The following NEB variants were observed in gnomAD, a reference collection of about 807,000 sequenced individuals.
NEB encodes nemaline myopathy type 2.
A neutral mutation model predicts 952.2 loss-of-function variants in NEB; 512 were observed. The ratio of observed to expected loss-of-function variants is 0.54; its 90% CI spans 0.50 to 0.58. NEB has a LOEUF of 0.58. NEB is among the 20% of genes least tolerant of loss of function. The pLI is 0.00. For missense variants in NEB, 8,428 were observed against 9,231.1 expected (o/e 0.91, Z 3.56); for synonymous variants, 2,900 against 3,149.8 (o/e 0.92, Z 2.66).
At chr2:151,574,114 A>G (rs1490265906) in intron 107 of NEB, among the ~76,000 whole-genome samples, 1 of 152,170 alleles carries the variant, frequency 6.6e-6, no homozygotes, top group Non-Finnish European at 1.5e-5. Flanking sequence ...AGCTGGGACT[A>G]CAGGCACCCA....
intron 92 of NEB, among the ~76,000 whole-genome samples, chr2:151,595,487 G>C (rs1330513583): frequency 6.8e-6 from 1 of 146,650 alleles, no homozygotes; most frequent in East Asian, 2.0e-4. Context: ...TGGCCAGGCT[G>C]GTCTCGAACT....
In NEB at chr2:151,565,090, G is replaced by A. The variant is rs377179553; in HGVS notation, c.18425C>T (p.Thr6142Ile). ...AKGKYTFSPDTPHISHSKDMG... is the reference protein window; with the variant it reads ...AKGKYTFSPDIPHISHSKDMG... ...GTCTTTGGAGTGGGAGATATGTGGT[G>A]TATCTGGTGAAAACGTATATTTGCC... The change falls in exon 117 of 182, where the codon ACA becomes ATA. Residue 6142 changes from threonine to isoleucine, a missense_variant. Thr to Ile is a moderately conservative substitution (Grantham distance 89). Around this residue, in one of 11 missense-constraint regions of NEB, gnomAD observed 3,374 missense variants for 3,651.5 expected, o/e 0.92. Coordinates refer to ENST00000397345, the MANE Select transcript of NEB (RefSeq NM_001164508.2). The A allele has an allele frequency of 2.5e-6, 4 of 1,601,492 alleles. No homozygotes were observed. The highest frequency in any genetic ancestry group is 3.3e-5 in the Admixed American group (2 of 59,712).
intron 165 of NEB, among the ~76,000 whole-genome samples, chr2:151,503,910 T>C (rs898577211): frequency 6.6e-6 from 1 of 152,178 alleles, no homozygotes; most frequent in Non-Finnish European, 1.5e-5. Context: ...TGGCTCCTAA[T>C]CTGTAGGAGC....
chr2:151,671,403 G>A (rs748461742), intron 37 of NEB, 174 bp from the exon 38 acceptor site: 1 of 608,852 alleles, frequency 1.6e-6, no homozygotes, highest in Non-Finnish European at 2.9e-6. Flanking sequence ...CTGTTCTGTT[G>A]TTAGAGTGCA....
chr2:151,616,791 A>G (rs2098215211), intron 75 of NEB, among the ~76,000 whole-genome samples: 1 of 152,186 alleles, frequency 6.6e-6, no homozygotes, highest in Non-Finnish European at 1.5e-5. Flanking sequence ...AACAAGGACA[A>G]TATTTTAAAA....
chr2:151,644,549 C>T lies in NEB; in HGVS notation c.7563G>A (p.Glu2521=). The T allele has an allele frequency of 6.2e-7, 1 of 1,613,822 alleles. No homozygotes were observed. The highest frequency in any genetic ancestry group is 1.1e-5 in the South Asian group (1 of 91,078). The change falls in exon 56 of 182, where the codon GAG becomes GAA. Residue 2521 remains glutamate (E), a synonymous_variant. Transcript: ENST00000397345. Reference sequence around the variant, plus strand: ...GAAGATCGTAACCTTTTCTCTTCAGCTCCTCATAACCCATTCGGTAGAGTT... The same window carrying T: ...GAAGATCGTAACCTTTTCTCTTCAGTTCCTCATAACCCATTCGGTAGAGTT... ...SDKLYRMGYE[E]LKRKGYDLPV...
rs372593815 is a variant in NEB at position 151,678,026 on chromosome 2, C to T, written c.3417G>A (p.Thr1139=). 42 of 1,613,764 alleles carry T rather than the reference C, an allele frequency of 2.6e-5. No homozygotes were observed. The East Asian group carries it at 6.9e-4, about 27-fold the overall frequency. The change falls in exon 33 of 182, where the codon ACG becomes ACA. Residue 1139 remains threonine, a synonymous_variant. Transcript: ENST00000397345. ...DYEKTKSKYN[T]PHDMFNVVAA... ...CCACGACATTGAACATATCATGGGG[C>T]GTGTTGTATTTGGACTTTGTCTTCT... is the stretch of plus-strand genomic sequence containing the variant.
chr2:151,505,630 C>A, intron 164 of NEB, 60 bp from the exon 165 acceptor site: 1 of 1,350,626 alleles, frequency 7.4e-7, no homozygotes, highest in South Asian at 1.2e-5. Flanking sequence ...TTATTCTTCC[C>A]AACATGTACA....
chr2:151,537,978 T>A lies in NEB; in HGVS notation c.20998-2A>T. On this transcript the variant is annotated splice_acceptor_variant, in intron 139 of 181. Transcript: ENST00000397345. LOFTEE classifies it high-confidence loss of function. ...CATGTAGTTCTCCTTGTATTTTATC[T>A]GTTATAAAAAACACAAAGACAGCTG... 1 of 1,608,660 alleles carries A rather than the reference T, an allele frequency of 6.2e-7. No individual in the cohort carries two copies. Among genetic ancestry groups the A allele is most frequent in the Non-Finnish European group, 8.5e-7 (1 of 1,175,486 alleles).
chr2:151,485,967 A>G lies in NEB; in HGVS notation c.25405-34T>C, dbSNP rs16830090. ...GGGGATGGAAAAGGGGAAATATTAT[A>G]TGTTGGATTTGCAACAGTTAACACA... On this transcript the variant is annotated intron_variant, in intron 181 of 181. Transcript: ENST00000397345. 0.28 allele frequency: 456,056 copies of G among 1,604,622 alleles called. 67,280 individuals carry two copies. Among genetic ancestry groups the G allele is most frequent in the Admixed American group, 0.39 (23,407 of 59,800 alleles).
Position 151,692,265 on chromosome 2 carries a change from C to T in NEB, c.1994G>A (p.Ser665Asn), listed in dbSNP as rs760782398. Reference protein sequence around the residue: ...YQLDTQLKNFSEARYKDLYVK... With the variant: ...YQLDTQLKNFNEARYKDLYVK... ...GGTAACCGTGGCTTTTCGAACCTCA[C>T]TGAAGTTCTTCAGCTGAGTATCAAG... The change falls in exon 21 of 182, where the codon AGT becomes AAT. Residue 665 changes from serine to asparagine, a missense_variant. By Grantham distance (46) the Ser-to-Asn change is conservative (BLOSUM62 1). This residue lies in a region of NEB where 2,851 missense variants were observed against 2,791.5 expected (regional missense o/e 1.02). Transcript: ENST00000397345. The T allele has an allele frequency of 6.2e-7, 1 of 1,613,520 alleles. No individual in the cohort carries two copies. Among genetic ancestry groups the T allele is most frequent in the African/African-American group, 1.3e-5 (1 of 74,920 alleles).
intron 51 of NEB, 102 bp downstream of exon 51, chr2:151,655,168 C>A: frequency 1.4e-6 from 1 of 702,770 alleles, no homozygotes; most frequent in Non-Finnish European, 2.2e-6. Flanking sequence ...CATTTCCAAA[C>A]TTCCATTGCT....
chr2:151,525,183 C>T lies in NEB; in HGVS notation c.22252G>A (p.Val7418Met), dbSNP rs375843338. 6 of 1,613,872 alleles carry T rather than the reference C, an allele frequency of 3.7e-6. No individual in the cohort carries two copies. Among genetic ancestry groups the T allele is most frequent in the East Asian group, 4.5e-5 (2 of 44,888 alleles). Residue 7418 changes from valine to methionine, a missense_variant, in exon 151 of 182, where the codon GTG (valine) becomes ATG (methionine). Physicochemically the swap from Val to Met is conservative, Grantham distance 21. Coordinates refer to ENST00000397345, the MANE Select transcript of NEB (RefSeq NM_001164508.2). Reference sequence around the variant, plus strand: ...CTTACATCACTTTGCTTCTTGGCCACTTCCATAGCATGTTTCACCTCTGGT... The same window carrying T: ...CTTACATCACTTTGCTTCTTGGCCATTTCCATAGCATGTTTCACCTCTGGT... ...EPPEVKHAMEVAKKQSDVAYR... is the reference protein window; with the variant it reads ...EPPEVKHAMEMAKKQSDVAYR...
In NEB at chr2:151,612,228, C is replaced by T. The variant is rs554366790; in HGVS notation, c.11763G>A (p.Pro3921=). The T allele has an allele frequency of 4.6e-5, 74 of 1,613,806 alleles. No individual in the cohort carries two copies. The highest frequency in any genetic ancestry group is 2.5e-4 in the East Asian group (11 of 44,858). Residue 3921 remains proline, a synonymous_variant, in exon 78 of 182, where the codon CCG becomes CCA. Coordinates refer to ENST00000397345, the MANE Select transcript of NEB (RefSeq NM_001164508.2). ...CATTATTCTTTGCTAGGACAATTTC[C>T]GGAGTGTCGGTAATGCATGTGAATT... The part of the protein sequence containing the change: ...QLKFTCITDT[P]EIVLAKNNAL...
At position 151,666,287 on chromosome 2, in the gene NEB, G is replaced by A. The variant is rs200545007; in HGVS notation, c.4834C>T (p.Arg1612Cys). The change falls in exon 41 of 182, where the codon CGT becomes TGT. Residue 1612 changes from arginine to cysteine, a missense_variant. This residue lies in a region of NEB where 2,851 missense variants were observed against 2,791.5 expected (regional missense o/e 1.02). Transcript: ENST00000397345. Reference sequence around the variant, plus strand: ...GCTTCATAGCCCTTTTTGTACTCACGATCAGACTGGATTTTGGCCACATTC... The same window carrying A: ...GCTTCATAGCCCTTTTTGTACTCACAATCAGACTGGATTTTGGCCACATTC... Reference protein sequence around the residue: ...YMNVAKIQSDREYKKGYEASK... With the variant: ...YMNVAKIQSDCEYKKGYEASK... 749 of 1,613,854 alleles carry A rather than the reference G, an allele frequency of 4.6e-4. 3 individuals carry two copies. Among genetic ancestry groups the A allele is most frequent in the African/African-American group, 2.6e-3 (197 of 75,002 alleles).
At chr2:151,572,905 C>G (rs965647297) in intron 107 of NEB, among the ~76,000 whole-genome samples, 4 of 149,218 alleles carry the variant, frequency 2.7e-5, no homozygotes, top group Non-Finnish European at 5.9e-5. Flanking sequence ...GGCCTGAGAC[C>G]CAATGTTTTC....
intron 70 of NEB, 37 bp downstream of exon 70, chr2:151,626,965 T>A: frequency 6.2e-7 from 1 of 1,603,960 alleles, no homozygotes. Context: ...GAATGACATA[T>A]AGCCCTGTCT....
chr2:151,687,933 T>A (rs2099515786), intron 25 of NEB, among the ~76,000 whole-genome samples, 200 bp from the exon 26 acceptor site: 1 of 152,244 alleles, frequency 6.6e-6, no homozygotes, highest in Non-Finnish European at 1.5e-5. Flanking sequence ...CAACTACTCT[T>A]TTTAATGTTC....
Position 151,519,018 on chromosome 2 carries a change from T to C in NEB, c.22642A>G (p.Lys7548Glu), listed in dbSNP as rs201976154. The C allele has an allele frequency of 1.6e-4, 251 of 1,613,654 alleles. No individual in the cohort carries two copies. The highest frequency in any genetic ancestry group is 8.2e-4 in the Middle Eastern group (5 of 6,082). ...ACATGATTCATGATCAGAGACTCCT[T>C]CATGTCAGTCACGGGTTTGTGAAGT... ...KKLHKPVTDM[K>E]ESLIMNHVLN... The change falls in exon 155 of 182, where the codon AAG (lysine) becomes GAG (glutamate). Residue 7548 changes from lysine to glutamate, a missense_variant. Lys to Glu is a moderately conservative substitution (Grantham distance 56). Transcript: ENST00000397345.
Sources: gnomAD v4.1 joint callset for allele counts (sites outside exome capture counted in the v4.1 genomes callset) on GRCh38, gnomAD v4.1.1 for gene constraint, gnomAD v4.1.1 regional missense constraint, MANE v1.5 for transcripts, NCBI Gene and HGNC (gene_info 2026-07-23, HGNC 2026-07-21) for gene names.